BLTP1: variants seen among roughly 807,000 people sequenced by gnomAD.
BLTP1 encodes the protein fragile site-associated protein.
the BLTP1 span, among the ~76,000 whole-genome samples, chr4:122,284,064 G>T: frequency 6.6e-6 from 1 of 152,196 alleles, no homozygotes; most frequent in Non-Finnish European, 1.5e-5. Flanking sequence ...AGATATCTAG[G>T]TATCTTGTGG....
At chr4:122,269,581 C>G in the BLTP1 span, 3 of 985,014 alleles carry the variant, frequency 3.0e-6, no homozygotes, top group African/African-American at 5.2e-5. Context: ...AGACCTTCAC[C>G]GCAATATACT....
At chr4:122,349,691 CAT>C in the BLTP1 span, 2 of 1,558,050 alleles carry the variant, frequency 1.3e-6, no homozygotes, top group Non-Finnish European at 1.7e-6. The surrounding 1 kb of genome is among the most constrained non-coding windows in gnomAD (Gnocchi z 4.5). Flanking sequence ...CTGTTCTCAA[CAT>C]ATTGTCTATC....
the BLTP1 span, chr4:122,210,710 T>G: frequency 9.7e-6 from 3 of 307,970 alleles, no homozygotes; most frequent in Non-Finnish European, 1.4e-5. Context: ...CTTTATTTGC[T>G]TTCTTAATTA....
chr4:122,153,450 A>C, the BLTP1 span, among the ~76,000 whole-genome samples: 1 of 152,226 alleles, frequency 6.6e-6, no homozygotes, highest in Non-Finnish European at 1.5e-5. Context: ...TTTAATCATC[A>C]AAACAATCCT....
chr4:122,247,549 A>G, the BLTP1 span: 3 of 1,057,536 alleles, frequency 2.8e-6, no homozygotes, highest in Non-Finnish European at 3.9e-6. Context: ...CAGAATAGAA[A>G]ATAAACTTTG....
At chr4:122,210,237 A>T in the BLTP1 span, 1 of 163,770 alleles carries the variant, frequency 6.1e-6, no homozygotes, top group Non-Finnish European at 1.3e-5. Context: ...TAATATTCTC[A>T]AAGTCTGCCA....
chr4:122,221,769 T>C, the BLTP1 span: 1 of 981,912 alleles, frequency 1.0e-6, no homozygotes, highest in East Asian at 1.1e-4. Context: ...AGGAAGCCCA[T>C]CTCCCTTTTT....
the BLTP1 span, chr4:122,279,573 C>T: frequency 1.7e-5 from 3 of 181,708 alleles, no homozygotes; most frequent in African/African-American, 7.1e-5. Flanking sequence ...ATCATGTTCA[C>T]ATGTTTCAAC....
the BLTP1 span, among the ~76,000 whole-genome samples, chr4:122,157,818 A>G: frequency 1.3e-5 from 2 of 152,176 alleles, no homozygotes; most frequent in African/African-American, 4.8e-5. Flanking sequence ...TTCTTGGTTC[A>G]CAGGAATTGG....
At chr4:122,234,905 A>T in the BLTP1 span, 1 of 1,611,826 alleles carries the variant, frequency 6.2e-7, no homozygotes. Flanking sequence ...AAGAGTTGAC[A>T]CCTTCCAGTA....
At chr4:122,172,322 G>T in the BLTP1 span, 1 of 723,690 alleles carries the variant, frequency 1.4e-6, no homozygotes, top group South Asian at 6.4e-5. Flanking sequence ...AAAAGGATAA[G>T]TAAGAGCAAA....
chr4:122,309,561 GT>G, the BLTP1 span: 3 of 1,215,428 alleles, frequency 2.5e-6, no homozygotes, highest in Non-Finnish European at 3.4e-6. Flanking sequence ...TATAGCAAAT[GT>G]TTTTAGACTT....
chr4:122,189,540 G>T, the BLTP1 span: 1 of 790,518 alleles, frequency 1.3e-6, no homozygotes, highest in Non-Finnish European at 1.5e-6. Flanking sequence ...TTAATATACA[G>T]ATAGATAAAA....
the BLTP1 span, among the ~76,000 whole-genome samples, chr4:122,165,644 C>T: frequency 7.8e-6 from 1 of 128,370 alleles, no homozygotes; most frequent in Non-Finnish European, 1.7e-5. Flanking sequence ...TGAGGAATCG[C>T]CACACTGACT....
At chr4:122,186,182 C>T in the BLTP1 span, 101 of 1,611,622 alleles carry the variant, frequency 6.3e-5, no homozygotes, top group African/African-American at 3.2e-4. Flanking sequence ...TGATAAAACA[C>T]GGGAAATTGG....
chr4:122,278,361 CAAAA>C, the BLTP1 span, among the ~76,000 whole-genome samples: 4 of 151,708 alleles, frequency 2.6e-5, no homozygotes, highest in Admixed American at 2.6e-4. Flanking sequence ...AATTAGGAAA[CAAAA>C]AAAGTCAGAA....
chr4:122,175,151 T>G, the BLTP1 span: 2 of 984,184 alleles, frequency 2.0e-6, no homozygotes, highest in Non-Finnish European at 2.4e-6. Flanking sequence ...CCTACTCAAT[T>G]TTTGTGATTT....
At chr4:122,252,347 T>C in the BLTP1 span, among the ~76,000 whole-genome samples, 1 of 152,192 alleles carries the variant, frequency 6.6e-6, no homozygotes. Flanking sequence ...AAGCAGGCTC[T>C]TGGGGTACCT....
At chr4:122,343,549 A>C in the BLTP1 span, 1 of 1,614,034 alleles carries the variant, frequency 6.2e-7, no homozygotes, top group Non-Finnish European at 8.5e-7. Flanking sequence ...TATTTCATCC[A>C]TATGGAGCAG....
Sources: gnomAD v4.1 joint callset for allele counts (sites outside exome capture counted in the v4.1 genomes callset) on GRCh38, gnomAD v4.1.1 for gene constraint, Gnocchi (gnomAD v3.1) non-coding constraint, MANE v1.5 for transcripts, NCBI Gene and HGNC (gene_info 2026-07-23, HGNC 2026-07-21) for gene names.